Variants in MIER3 observed in about 807,000 individuals in gnomAD.
The protein encoded by MIER3 is mesoderm induction early response protein 3.
MIER3 carries 9 observed loss-of-function variants against 63.2 expected under a neutral mutation model. The observed-to-expected ratio is 0.14, with a 90% CI of 0.09 to 0.25. The LOEUF (loss-of-function observed/expected upper bound fraction) is 0.25. Among genes scored for constraint, MIER3 ranks in the 10% least tolerant of loss-of-function variants. The pLI, the probability that MIER3 is intolerant of heterozygous loss-of-function variation, is 1.00. For synonymous variants in MIER3, 205 were observed against 224.9 expected (o/e 0.91, Z 0.79); for missense variants, 512 against 666.2 (o/e 0.77, Z 2.55).
intron 2 of MIER3, among the ~76,000 whole-genome samples, chr5:56,948,559 C>T (rs1750907443): frequency 2.0e-5 from 3 of 151,968 alleles, no homozygotes; most frequent in Non-Finnish European, 4.4e-5. Flanking sequence ...CCACCAGCTA[C>T]GTGGGAGGCT....
At chr5:56,930,624 T>C in intron 9 of MIER3, 40 bp downstream of exon 9, 1 of 1,533,060 alleles carries the variant, frequency 6.5e-7, no homozygotes, top group Non-Finnish European at 9.0e-7. Context: ...CAAATGACCA[T>C]CCCTGTCATG....
rs973715795 is a variant in MIER3 at position 56,921,577 on chromosome 5, C to T, written c.*1551G>A. 3 of 152,558 alleles carry T rather than the reference C, an allele frequency of 2.0e-5. No individual in the cohort carries two copies. The highest frequency in any genetic ancestry group is 4.4e-5 in the Non-Finnish European group (3 of 67,990). The allele number at this position is 152,558 out of a possible 1,614,324, so 9.5% of individuals were successfully genotyped here. On this transcript the variant is annotated 3_prime_UTR_variant, in exon 13 of 13. Transcript: ENST00000381199. ...AAGAAAAACAAGAATACACATCATCCAAAACTAAGGATGTCATTGCAGTTC... is the reference window on the plus strand; with the variant it reads ...AAGAAAAACAAGAATACACATCATCTAAAACTAAGGATGTCATTGCAGTTC...
At position 56,930,698 on chromosome 5, in the gene MIER3, G is replaced by A. The variant is rs201366452; in HGVS notation, c.795C>T (p.Ile265=). Residue 265 remains isoleucine, a synonymous_variant, in exon 9 of 13, where the codon ATC becomes ATT. Transcript: ENST00000381199. ...LKCNHNIKEA[I]ERYCCNGKAS... is the part of the protein sequence containing the mutation. ...CCTTTCCATTGCAGCAGTATCTTTCGATTGCTTCCTTTATATTGTGGTTAC... is the reference window on the plus strand; with the variant it reads ...CCTTTCCATTGCAGCAGTATCTTTCAATTGCTTCCTTTATATTGTGGTTAC... 52 of 1,613,574 alleles carry A rather than the reference G, an allele frequency of 3.2e-5. No individual in the cohort carries two copies. The highest frequency in any genetic ancestry group is 1.6e-4 in the Middle Eastern group (1 of 6,078).
At chr5:56,925,615 AAC>A (rs1749932062) in intron 10 of MIER3, 3 of 196,808 alleles carry the variant, frequency 1.5e-5, no homozygotes, top group African/African-American at 7.1e-5. Flanking sequence ...AGAAGAACTT[AAC>A]GAAGAAATAT....
intron 9 of MIER3, chr5:56,929,505 T>C (rs1014127359): frequency 6.6e-6 from 1 of 152,024 alleles, no homozygotes; most frequent in East Asian, 1.9e-4. Context: ...ATCAAGGCTA[T>C]ACTAAGCTGT....
At chr5:56,941,353 TATAG>T in intron 3 of MIER3, 4 of 160,098 alleles carry the variant, frequency 2.5e-5, no homozygotes, top group Non-Finnish European at 2.7e-5. Context: ...AATACACAAA[TATAG>T]GGCTGCCAAG....
chr5:56,934,981 C>A (rs1750391146), intron 7 of MIER3, among the ~76,000 whole-genome samples: 1 of 152,166 alleles, frequency 6.6e-6, no homozygotes, highest in Non-Finnish European at 1.5e-5. Flanking sequence ...GAAAGCAGAT[C>A]CTTACATTTC....
intron 2 of MIER3, among the ~76,000 whole-genome samples, chr5:56,950,186 AT>A (rs1750969870): frequency 6.6e-6 from 1 of 152,206 alleles, no homozygotes. Context: ...ACTCATAGAC[AT>A]TTAATTATGA....
intron 3 of MIER3, among the ~76,000 whole-genome samples, chr5:56,945,431 C>T (rs1036180742): frequency 7.2e-5 from 11 of 152,090 alleles, no homozygotes; most frequent in African/African-American, 2.7e-4. Flanking sequence ...CCACTGCACT[C>T]CAGCCTGCGC....
At chr5:56,937,987 T>G (rs1035543617) in intron 4 of MIER3, among the ~76,000 whole-genome samples, 3 of 152,082 alleles carry the variant, frequency 2.0e-5, no homozygotes, top group Non-Finnish European at 4.4e-5. Context: ...TTTAGTGAAT[T>G]TACAACAAAA....
chr5:56,948,480 A>G (rs1360233903), intron 2 of MIER3, among the ~76,000 whole-genome samples: 1 of 152,146 alleles, frequency 6.6e-6, no homozygotes, highest in Non-Finnish European at 1.5e-5. Flanking sequence ...CCTGGTCAAC[A>G]TAGCGAAACC....
In MIER3 at chr5:56,933,418, T is replaced by A; in HGVS notation, c.596-20A>T. 1 of 1,576,418 alleles carries A rather than the reference T, an allele frequency of 6.3e-7. No homozygotes were observed. The highest frequency in any genetic ancestry group is 8.6e-7 in the Non-Finnish European group (1 of 1,164,186). On this transcript the variant is annotated intron_variant, in intron 7 of 12. Transcript: ENST00000381199. ...CATATACTGATAAAGAAAATCCCAT[T>A]AACACATTAAAAATCATGAACGCAC...
chr5:56,934,809 G>A (rs1487263380), intron 7 of MIER3, among the ~76,000 whole-genome samples: 1 of 152,070 alleles, frequency 6.6e-6, no homozygotes, highest in African/African-American at 2.4e-5. Context: ...TAGGGAAAAG[G>A]CCAAACACCC....
At position 56,946,962 on chromosome 5, in the gene MIER3, AC is replaced by A; in HGVS notation, c.143del (p.Gly48ValfsTer11). The A allele has an allele frequency of 6.2e-7, 1 of 1,604,320 alleles. No homozygotes were observed. On this transcript the variant is annotated frameshift_variant, in exon 3 of 13. Transcript: ENST00000381199. LOFTEE classifies it high-confidence loss of function. The part of the protein sequence containing the change: ...TLEEEEMMDE[G>X]KNFSSEIEDL... The stretch of plus-strand genomic sequence containing the variant: ...CTTCAATTTCTGAACTGAAGTTTTT[AC>A]CCTCATCCATCATTTCCTCTTCTTC...
intron 5 of MIER3, 107 bp downstream of exon 5, chr5:56,937,471 C>G: frequency 1.8e-6 from 2 of 1,106,516 alleles, no homozygotes; most frequent in South Asian, 4.4e-5. Flanking sequence ...TTATCTCAAC[C>G]ACATAAAATA....
intron 3 of MIER3, 131 bp downstream of exon 3, chr5:56,946,795 G>A: frequency 1.5e-6 from 1 of 685,604 alleles, no homozygotes; most frequent in Non-Finnish European, 2.3e-6. Flanking sequence ...TACTTATTAG[G>A]CTATCCCCCA....
chr5:56,925,396 G>C, intron 10 of MIER3: 2 of 445,062 alleles, frequency 4.5e-6, no homozygotes, highest in Non-Finnish European at 9.0e-6. Context: ...TAACTAATAA[G>C]CACTTACAGC....
intron 3 of MIER3, among the ~76,000 whole-genome samples, chr5:56,942,946 C>CAG (rs1297296058): frequency 6.6e-6 from 1 of 152,018 alleles, no homozygotes; most frequent in Non-Finnish European, 1.5e-5. Context: ...AGTTGGAGAC[C>CAG]AGCCTGGGCA....
chr5:56,946,067 T>G (rs1051925899), intron 3 of MIER3, among the ~76,000 whole-genome samples: 12 of 152,216 alleles, frequency 7.9e-5, no homozygotes, highest in African/African-American at 2.7e-4. Flanking sequence ...GTCACTCTTC[T>G]GTTTCCCTGT....
Sources: allele counts gnomAD v4.1 joint callset (sites outside exome capture counted in the v4.1 genomes callset), GRCh38; gene constraint gnomAD v4.1.1; transcripts MANE v1.5; gene names NCBI Gene and HGNC (gene_info 2026-07-23, HGNC 2026-07-21).